Variants in GPC5 observed in about 807,000 individuals in gnomAD.
GPC5 encodes the protein glypican 5.
In GPC5, 47 loss-of-function variants were observed where a neutral mutation model predicts 53.9. The observed-to-expected ratio is 0.87, with a 90% CI of 0.69 to 1.11. GPC5 has a LOEUF of 1.11. GPC5 is among the 50% of genes most tolerant of loss of function. GPC5 has a pLI of 0.00. For synonymous variants in GPC5, 286 were observed against 263.3 expected, an observed-to-expected ratio of 1.09 and a Z score of -0.84; for missense variants, 748 against 713.1, an observed-to-expected ratio of 1.05 and a Z score of -0.56.
intron 7 of GPC5, among the ~76,000 whole-genome samples, chr13:92,774,122 G>A (rs1780980460): frequency 6.6e-6 from 1 of 152,174 alleles, no homozygotes; most frequent in Admixed American, 6.5e-5. Context: ...TGCGGACAAA[G>A]AGCCAAACCA....
At chr13:92,575,106 T>C (rs190329434) in intron 7 of GPC5, among the ~76,000 whole-genome samples, 1 of 152,326 alleles carries the variant, frequency 6.6e-6, no homozygotes, top group African/African-American at 2.4e-5. Context: ...TGGGCAAATT[T>C]TGGACAACTA....
At chr13:92,194,811 A>G (rs2042246315) in intron 7 of GPC5, among the ~76,000 whole-genome samples, 1 of 152,186 alleles carries the variant, frequency 6.6e-6, no homozygotes, top group Admixed American at 6.5e-5. Context: ...CTCCAACAAC[A>G]TGGTCTTTCA....
At chr13:91,735,397 C>T (rs943955674) in intron 4 of GPC5, among the ~76,000 whole-genome samples, 1 of 151,050 alleles carries the variant, frequency 6.6e-6, no homozygotes, top group Non-Finnish European at 1.5e-5. Flanking sequence ...TGTAATTATA[C>T]TGGCCTATCG....
intron 6 of GPC5, among the ~76,000 whole-genome samples, chr13:92,002,976 A>G (rs1184164863): frequency 6.6e-6 from 1 of 152,104 alleles, no homozygotes; most frequent in Non-Finnish European, 1.5e-5. Flanking sequence ...AGAGTAGGAA[A>G]CCCTGAGGTA....
At chr13:92,637,207 A>G (rs1020733120) in intron 7 of GPC5, among the ~76,000 whole-genome samples, 1 of 152,176 alleles carries the variant, frequency 6.6e-6, no homozygotes, top group Non-Finnish European at 1.5e-5. Flanking sequence ...TGATCATTAA[A>G]TTTAGCTAAT....
At chr13:92,275,853 ACCTGATATTAGTGAC>A (rs995358915) in intron 7 of GPC5, among the ~76,000 whole-genome samples, 1 of 152,106 alleles carries the variant, frequency 6.6e-6, no homozygotes, top group African/African-American at 2.4e-5. Context: ...GAATATCATG[ACCTGATATTAGTGAC>A]CCAGTAATAG....
chr13:91,809,515 T>A (rs182316520), intron 5 of GPC5, among the ~76,000 whole-genome samples: 4 of 152,150 alleles, frequency 2.6e-5, no homozygotes, highest in Non-Finnish European at 5.9e-5. Flanking sequence ...GCCTTGTTGG[T>A]TGTGGCTCTG....
At chr13:92,735,045 A>C (rs938134242) in intron 7 of GPC5, among the ~76,000 whole-genome samples, 3 of 151,974 alleles carry the variant, frequency 2.0e-5, no homozygotes, top group African/African-American at 7.2e-5. Flanking sequence ...TTGGAATAAA[A>C]AAACAGCTTT....
intron 7 of GPC5, among the ~76,000 whole-genome samples, chr13:92,273,421 A>T (rs9523576): frequency 0.084 from 12,768 of 152,122 alleles, 597 homozygotes; most frequent in Middle Eastern, 0.12. Flanking sequence ...GTAAACAGGG[A>T]TAATAATAAT....
chr13:91,483,272 G>A (rs1594147536), intron 2 of GPC5, among the ~76,000 whole-genome samples: 1 of 152,226 alleles, frequency 6.6e-6, no homozygotes, highest in African/African-American at 2.4e-5. Flanking sequence ...CTGTGACTTG[G>A]GAATTAGGTT....
At chr13:91,940,227 A>G (rs189495970) in intron 6 of GPC5, among the ~76,000 whole-genome samples, 239 of 152,210 alleles carry the variant, frequency 1.6e-3, no homozygotes, top group African/African-American at 5.6e-3. Context: ...TCCCACTTAC[A>G]AGTGAGAACA....
intron 2 of GPC5, among the ~76,000 whole-genome samples, chr13:91,461,471 G>A (rs1219264618): frequency 1.3e-5 from 2 of 152,006 alleles, no homozygotes; most frequent in Non-Finnish European, 2.9e-5. Context: ...TTCCTTGCTT[G>A]TATAATGGGA....
intron 6 of GPC5, among the ~76,000 whole-genome samples, chr13:92,118,228 A>T (rs903327408): frequency 6.6e-6 from 1 of 152,158 alleles, no homozygotes; most frequent in Non-Finnish European, 1.5e-5. Flanking sequence ...TTTGTTTTTC[A>T]TCTACCTAAT....
At chr13:92,842,932 G>A (rs1878479860) in intron 7 of GPC5, among the ~76,000 whole-genome samples, 2 of 152,104 alleles carry the variant, frequency 1.3e-5, no homozygotes, top group South Asian at 2.1e-4. Context: ...ACAATGACCT[G>A]GAAGGAAAAA....
At chr13:92,655,318 TTTATTTATTTATTTTATTTTTATTTTA>T (rs1168774009) in intron 7 of GPC5, among the ~76,000 whole-genome samples, 12 of 135,766 alleles carry the variant, frequency 8.8e-5, no homozygotes, top group South Asian at 5.3e-4. Context: ...TATTTATTTA[TTTATTTATTTATTTTATTTTTATTTTA>T]TTTTTTGAGA....
chr13:91,634,374 A>G (rs1179025351), intron 2 of GPC5, among the ~76,000 whole-genome samples: 1 of 152,064 alleles, frequency 6.6e-6, no homozygotes, highest in Non-Finnish European at 1.5e-5. Context: ...TAAATAAGCT[A>G]AAACTGAGAA....
intron 7 of GPC5, among the ~76,000 whole-genome samples, chr13:92,300,465 A>G (rs1402486455): frequency 1.3e-5 from 2 of 152,188 alleles, no homozygotes; most frequent in African/African-American, 4.8e-5. Context: ...AACAAATTCC[A>G]ATGACACTGA....
chr13:92,709,844 C>G (rs1404167991), intron 7 of GPC5, among the ~76,000 whole-genome samples: 1 of 152,204 alleles, frequency 6.6e-6, no homozygotes, highest in Non-Finnish European at 1.5e-5. Context: ...GTGAGTAGTT[C>G]AAGTGCAGGA....
intron 2 of GPC5, among the ~76,000 whole-genome samples, chr13:91,451,088 T>A (rs188567536): frequency 1.4e-3 from 207 of 152,232 alleles, no homozygotes; most frequent in African/African-American, 4.7e-3. Context: ...GAAAACAATA[T>A]AAAGTCTTTA....
Sources: allele counts gnomAD v4.1 joint callset (sites outside exome capture counted in the v4.1 genomes callset), GRCh38; gene constraint gnomAD v4.1.1; transcripts MANE v1.5; gene names NCBI Gene and HGNC (gene_info 2026-07-23, HGNC 2026-07-21).